Variants in AMOTL2 observed in about 807,000 individuals in gnomAD.
The protein encoded by AMOTL2 is angiomotin like 2.
In AMOTL2, 33 loss-of-function variants were observed where a neutral mutation model predicts 78.4. The observed-to-expected ratio is 0.42, with a 90% CI of 0.32 to 0.56. AMOTL2 has a LOEUF of 0.56. Ranked by LOEUF, AMOTL2 falls within the 20% of genes least tolerant of loss-of-function variation. The pLI is 0.12. For missense variants in AMOTL2, 983 were observed against 1,030.1 expected, an observed-to-expected ratio of 0.95 and a Z score of 0.63; for synonymous variants, 422 against 428.8, an observed-to-expected ratio of 0.98 and a Z score of 0.20.
chr3:134,368,809 T>A (rs985610505), intron 2 of AMOTL2, among the ~76,000 whole-genome samples: 1 of 152,304 alleles, frequency 6.6e-6, no homozygotes, highest in African/African-American at 2.4e-5. Context: ...CAATATTCTA[T>A]TGGCCTCTGG....
In AMOTL2 at chr3:134,358,614, C is replaced by A; in HGVS notation, c.2210G>T (p.Ser737Ile). Residue 737 changes from serine (S) to isoleucine (I), a missense_variant, in exon 9 of 10, where the codon AGC becomes ATC. Coordinates refer to ENST00000249883, the MANE Select transcript of AMOTL2 (RefSeq NM_016201.4). Reference sequence around the variant, plus strand: ...CTCCGGTGGCAGGCAGGTGGAGGTGCTGTCTGGGGGGCCCTCAGTCTGGGT... The same window carrying A: ...CTCCGGTGGCAGGCAGGTGGAGGTGATGTCTGGGGGGCCCTCAGTCTGGGT... Reference protein sequence around the residue: ...GSTQTEGPPDSTSTCLPPEPD... With the variant: ...GSTQTEGPPDITSTCLPPEPD... 6.2e-7 allele frequency: 1 copy of A among 1,613,846 alleles called. No individual in the cohort carries two copies. The highest frequency in any genetic ancestry group is 8.5e-7 in the Non-Finnish European group (1 of 1,179,892).
Position 134,361,550 on chromosome 3 carries a change from G to C in AMOTL2, c.1537C>G (p.Arg513Gly). The change falls in exon 6 of 10, where the codon CGC becomes GGC. Residue 513 changes from arginine to glycine, a missense_variant. Transcript: ENST00000249883. ...REQLELRLRT[R>G]LEQELKALRA... is the part of the protein sequence containing the mutation. ...AGGGCCTTGAGTTCCTGCTCCAGGC[G>C]AGTCCGCAGACGCAGCTCCAGCTGC... is the stretch of plus-strand genomic sequence containing the variant. 1 of 1,613,112 alleles carries C rather than the reference G, an allele frequency of 6.2e-7. No homozygotes were observed. The highest frequency in any genetic ancestry group is 2.2e-5 in the East Asian group (1 of 44,860).
At chr3:134,358,750 G>A (rs2017202818) in intron 8 of AMOTL2, 31 bp from the exon 9 acceptor site, 6 of 1,610,866 alleles carry the variant, frequency 3.7e-6, no homozygotes, top group Admixed American at 1.7e-5. Flanking sequence ...TTATTGCCAT[G>A]CCTGTAAGAT....
chr3:134,368,527 T>G (rs2017708198), intron 2 of AMOTL2, among the ~76,000 whole-genome samples: 1 of 152,194 alleles, frequency 6.6e-6, no homozygotes, highest in Admixed American at 6.5e-5. Context: ...GGCGAGTGCC[T>G]CAGCCCCACA....
At chr3:134,368,545 C>T (rs2017709948) in intron 2 of AMOTL2, among the ~76,000 whole-genome samples, 1 of 152,172 alleles carries the variant, frequency 6.6e-6, no homozygotes, top group Non-Finnish European at 1.5e-5. Flanking sequence ...ACAGACTGGG[C>T]ATTGCTCTGT....
rs1479199194 is a variant in AMOTL2, at chr3:134,358,708, G to T, written c.2116C>A (p.Pro706Thr). The T allele has an allele frequency of 1.2e-6, 2 of 1,614,124 alleles. No homozygotes were observed. Among genetic ancestry groups the T allele is most frequent in the Non-Finnish European group, 8.5e-7 (1 of 1,180,034 alleles). ...PARLTTADRA[P>T]TEEPVVTAPP... ...GCTGTGACCACTGGCTCCTCTGTGG[G>T]TGCTCTGTCTGCTGGAAAGGTAGGT... The change falls in exon 9 of 10, where the codon CCC (proline) becomes ACC (threonine). Residue 706 changes from proline (P) to threonine (T), a missense_variant. Transcript: ENST00000249883.
upstream of AMOTL2, chr3:134,374,739 G>C: frequency 1.0e-6 from 1 of 988,546 alleles, no homozygotes. Context: ...CCCATGCTTT[G>C]CCTTCGGAGC....
At chr3:134,359,594 C>CT in intron 7 of AMOTL2, 91 bp from the exon 8 acceptor site, 1 of 1,021,708 alleles carries the variant, frequency 9.8e-7, no homozygotes, top group East Asian at 2.6e-5. Flanking sequence ...AGGAAAAGCC[C>CT]CCCCCAACTC....
At chr3:134,369,509 A>G (rs2017760551) in intron 2 of AMOTL2, among the ~76,000 whole-genome samples, 1 of 152,202 alleles carries the variant, frequency 6.6e-6, no homozygotes, top group South Asian at 2.1e-4. Flanking sequence ...ACCACCACTC[A>G]GCTTCCGAAA....
At chr3:134,358,095 T>C (rs891461291) in intron 9 of AMOTL2, among the ~76,000 whole-genome samples, 1 of 152,184 alleles carries the variant, frequency 6.6e-6, no homozygotes. Flanking sequence ...CAGGCAAATA[T>C]GCAAAGGCCA....
chr3:134,363,388 TGAG>T (rs1291353657), intron 5 of AMOTL2, among the ~76,000 whole-genome samples: 3 of 152,160 alleles, frequency 2.0e-5, no homozygotes, highest in Non-Finnish European at 1.5e-5. Context: ...TAACATCCAT[TGAG>T]GAGGGGCAGC....
At chr3:134,366,194 G>C in intron 4 of AMOTL2, 89 bp downstream of exon 4, 1 of 1,529,112 alleles carries the variant, frequency 6.5e-7, no homozygotes, top group African/African-American at 1.4e-5. Context: ...TTTTGACAGA[G>C]AATAGAGATT....
intron 3 of AMOTL2, 197 bp from the exon 4 acceptor site, chr3:134,366,624 C>T: frequency 3.6e-6 from 2 of 555,038 alleles, no homozygotes; most frequent in African/African-American, 3.8e-5. Context: ...GACCAGCAAG[C>T]AACGGTCCCA....
chr3:134,360,506 T>C (rs1412536050), intron 6 of AMOTL2, 93 bp from the exon 7 acceptor site: 2 of 1,106,072 alleles, frequency 1.8e-6, no homozygotes, highest in East Asian at 5.0e-5. Context: ...CACTTGTACA[T>C]GTACGTGTTC....
upstream of AMOTL2, chr3:134,375,045 C>T: frequency 6.9e-7 from 1 of 1,457,486 alleles, no homozygotes. Flanking sequence ...GAGCCTCTTT[C>T]CCCTAACCCC....
At chr3:134,365,291 C>G (rs571707129) in intron 5 of AMOTL2, among the ~76,000 whole-genome samples, 2 of 152,178 alleles carry the variant, frequency 1.3e-5, no homozygotes, top group African/African-American at 4.8e-5. Flanking sequence ...ATGCTTAGAC[C>G]GCCCCGTTTA....
At position 134,365,815 on chromosome 3, in the gene AMOTL2, A is replaced by T; in HGVS notation, c.1279+2T>A. On this transcript the variant is annotated splice_donor_variant, in intron 5 of 9. Coordinates refer to ENST00000249883, the MANE Select transcript of AMOTL2 (RefSeq NM_016201.4). LOFTEE classifies it high-confidence loss of function. ...AGGCTTCTTAGTGGGGCCCCTACTC[A>T]CTCTGAGCAAGCAGCTTGGCCACCA... The T allele has an allele frequency of 6.2e-7, 1 of 1,613,674 alleles. No individual in the cohort carries two copies. The highest frequency in any genetic ancestry group is 8.5e-7 in the Non-Finnish European group (1 of 1,179,896).
chr3:134,364,591 C>T (rs1417261092), intron 5 of AMOTL2, among the ~76,000 whole-genome samples: 1 of 152,096 alleles, frequency 6.6e-6, no homozygotes, highest in East Asian at 1.9e-4. Context: ...TGCCATCTCA[C>T]CCCACCCAGC....
chr3:134,361,011 T>A (rs2017333273), intron 6 of AMOTL2, among the ~76,000 whole-genome samples: 1 of 152,094 alleles, frequency 6.6e-6, no homozygotes, highest in Non-Finnish European at 1.5e-5. Flanking sequence ...TCATCTCTAC[T>A]AAAAATACAA....
Sources: allele counts gnomAD v4.1 joint callset (sites outside exome capture counted in the v4.1 genomes callset), GRCh38; gene constraint gnomAD v4.1.1; transcripts MANE v1.5; gene names NCBI Gene and HGNC (gene_info 2026-07-23, HGNC 2026-07-21).